CCDC3: variants seen among roughly 807,000 people sequenced by gnomAD.
The protein encoded by CCDC3 is coiled-coil domain-containing protein 3.
CCDC3 carries 24 observed loss-of-function variants against 21.4 expected under a neutral mutation model. That is an observed-to-expected ratio of 1.12 (90% CI 0.81 to 1.58). The LOEUF is 1.58. CCDC3 is among the 40% of genes most tolerant of loss of function. The pLI is 0.00. For missense variants in CCDC3, 425 were observed against 360.9 expected (o/e 1.18, Z -1.44); for synonymous variants, 186 against 166.0 (o/e 1.12, Z -0.93).
chr10:12,900,412 C>T (rs191978823), intron 2 of CCDC3, among the ~76,000 whole-genome samples: 116 of 147,732 alleles, frequency 7.9e-4, no homozygotes, highest in Admixed American at 7.4e-3. Flanking sequence ...GGTGTGGTGG[C>T]TCACGCCTGT....
chr10:12,952,645 C>T (rs916383580), intron 2 of CCDC3, among the ~76,000 whole-genome samples: 1 of 152,154 alleles, frequency 6.6e-6, no homozygotes, highest in Non-Finnish European at 1.5e-5. Context: ...TCCGAATTCT[C>T]CAGGTGCATG....
At chr10:13,045,443 C>T (rs965058940) in intron 5 of CCDC3, among the ~76,000 whole-genome samples, 2 of 152,010 alleles carry the variant, frequency 1.3e-5, no homozygotes, top group Non-Finnish European at 2.9e-5. Flanking sequence ...TCCTGGCTAA[C>T]AAAGTGAAAC....
At chr10:13,072,858 C>CTTTTTTTT (rs1482745185) in intron 4 of CCDC3, among the ~76,000 whole-genome samples, 4 of 96,730 alleles carry the variant, frequency 4.1e-5, no homozygotes, top group African/African-American at 3.4e-5. Flanking sequence ...CTTTTCTTTT[C>CTTTTTTTT]TTTTCTTTCT....
intron 5 of CCDC3, among the ~76,000 whole-genome samples, chr10:13,039,981 G>A (rs1836428960): frequency 6.6e-6 from 1 of 151,764 alleles, no homozygotes. Flanking sequence ...ATTGGTAAAT[G>A]GTCTCTGGCA....
Position 12,898,524 on chromosome 10 carries a change from G to A in CCDC3, c.705C>T (p.Gly235=), listed in dbSNP as rs1258637669. 1.9e-6 allele frequency: 3 copies of A among 1,614,170 alleles called. No individual in the cohort carries two copies. The highest frequency in any genetic ancestry group is 2.5e-6 in the Non-Finnish European group (3 of 1,180,012). Residue 235 remains glycine (G), a synonymous_variant, in exon 3 of 3, where the codon GGC becomes GGT. Coordinates refer to ENST00000378825, the MANE Select transcript of CCDC3 (RefSeq NM_031455.4). ...TCTGGTTCGCCAGCTCCAGGTGGCG[G>A]CCCTTCTTACGCGCCTGCCGCAAGG... ...KRSLRQARKK[G]RHLELANQKL...
chr10:13,000,813 A>G (rs1835836217), intron 1 of CCDC3, among the ~76,000 whole-genome samples: 2 of 152,186 alleles, frequency 1.3e-5, no homozygotes, highest in South Asian at 2.1e-4. Context: ...GGAAGGGCAG[A>G]GCCAAAATGC....
chr10:13,075,564 C>G (rs1239285461), intron 3 of CCDC3, among the ~76,000 whole-genome samples: 1 of 151,626 alleles, frequency 6.6e-6, no homozygotes, highest in Non-Finnish European at 1.5e-5. Flanking sequence ...GGAAGAAACA[C>G]TAATAAATAA....
chr10:12,932,538 A>G (rs934962826), intron 2 of CCDC3, among the ~76,000 whole-genome samples: 10 of 152,236 alleles, frequency 6.6e-5, no homozygotes, highest in African/African-American at 2.4e-4. Context: ...TAATCTTGCT[A>G]CAATTGCTTA....
intron 5 of CCDC3, among the ~76,000 whole-genome samples, chr10:13,021,869 C>T (rs1159613833): frequency 6.6e-6 from 1 of 152,148 alleles, no homozygotes; most frequent in African/African-American, 2.4e-5. Context: ...AAGCAATTCT[C>T]ATGCCTCAGC....
chr10:12,982,921 T>C (rs952862012), intron 2 of CCDC3, among the ~76,000 whole-genome samples: 4 of 149,760 alleles, frequency 2.7e-5, no homozygotes, highest in African/African-American at 4.9e-5. Flanking sequence ...GAGACCAGCC[T>C]GGCCAACATC....
intron 2 of CCDC3, among the ~76,000 whole-genome samples, chr10:12,973,271 G>C (rs375978769): frequency 9.2e-5 from 14 of 152,268 alleles, no homozygotes; most frequent in Middle Eastern, 3.4e-3. Flanking sequence ...ACAGCATGGT[G>C]CAGGGCCCTG....
At position 13,038,047 on chromosome 10, in the gene CCDC3, G is replaced by A. The variant is rs532157396; in HGVS notation, c.-2+11627C>T. On this transcript the variant is annotated intron_variant, in intron 5 of 6. Coordinates refer to the CCDC3 transcript ENST00000378839. The stretch of plus-strand genomic sequence containing the variant: ...ATAATATGCAGCCATGAAAAGGAGC[G>A]AGATCATTGCAGGGAATGGATGGAG... 8.2e-4 allele frequency among the ~76,000 whole-genome samples: 125 copies of A among 152,262 alleles called. 1 individual carries two copies. Among genetic ancestry groups the A allele is most frequent in the African/African-American group, 2.6e-3 (109 of 41,546 alleles).
At chr10:13,010,640 T>C (rs1322937895) in intron 5 of CCDC3, among the ~76,000 whole-genome samples, 2 of 152,202 alleles carry the variant, frequency 1.3e-5, no homozygotes, top group Non-Finnish European at 2.9e-5. Flanking sequence ...GCATATCCCA[T>C]ATAAAGACTC....
intron 3 of CCDC3, among the ~76,000 whole-genome samples, chr10:13,074,321 G>A (rs1836930827): frequency 1.6e-5 from 2 of 128,182 alleles, no homozygotes; most frequent in African/African-American, 2.9e-5. Flanking sequence ...CCATATCCCG[G>A]CTAATTTTTT....
At chr10:13,048,055 T>C (rs1295474500) in intron 5 of CCDC3, among the ~76,000 whole-genome samples, 1 of 152,194 alleles carries the variant, frequency 6.6e-6, no homozygotes, top group East Asian at 1.9e-4. Flanking sequence ...TCACGCGCAA[T>C]GTAAGGTGAA....
chr10:13,001,744 G>A (rs1415462511), upstream of CCDC3: 3 of 316,674 alleles, frequency 9.5e-6, no homozygotes, highest in East Asian at 1.6e-4. Context: ...GCTTTAAAAG[G>A]GTCCCGGGGA....
intron 4 of CCDC3, among the ~76,000 whole-genome samples, chr10:13,065,590 G>A (rs1289191891): frequency 6.6e-6 from 1 of 152,120 alleles, no homozygotes; most frequent in Non-Finnish European, 1.5e-5. Context: ...ACGATATGAA[G>A]CTAATGCTGT....
intron 4 of CCDC3, among the ~76,000 whole-genome samples, chr10:13,069,339 T>G (rs1425451227): frequency 6.6e-6 from 1 of 152,244 alleles, no homozygotes; most frequent in Non-Finnish European, 1.5e-5. Flanking sequence ...TATATGGTCT[T>G]CTATAAATTC....
At chr10:13,039,440 C>T (rs1262377598) in intron 5 of CCDC3, among the ~76,000 whole-genome samples, 2 of 150,046 alleles carry the variant, frequency 1.3e-5, no homozygotes, top group African/African-American at 2.4e-5. Context: ...AAAAAAGGTA[C>T]TTCCAGAATG....
Sources: allele counts gnomAD v4.1 joint callset (sites outside exome capture counted in the v4.1 genomes callset), GRCh38; gene constraint gnomAD v4.1.1; transcripts MANE v1.5; gene names NCBI Gene and HGNC (gene_info 2026-07-23, HGNC 2026-07-21).